LAMA2: variants seen among roughly 807,000 people sequenced by gnomAD.
LAMA2 encodes laminin subunit alpha-2.
In LAMA2, 269 loss-of-function variants were observed where a neutral mutation model predicts 364.8. The ratio of observed to expected loss-of-function variants is 0.74; its 90% confidence interval spans 0.67 to 0.82. The LOEUF (loss-of-function observed/expected upper bound fraction) is 0.82. Ranked by LOEUF, LAMA2 falls within the 40% of genes least tolerant of loss-of-function variation. The pLI, the probability that LAMA2 is intolerant of heterozygous loss-of-function variation, is 0.00. For missense variants in LAMA2, 3,807 were observed against 3,873.2 expected (o/e 0.98, Z 0.45); for synonymous variants, 1,379 against 1,370.6 (o/e 1.01, Z -0.14).
intron 12 of LAMA2, among the ~76,000 whole-genome samples, chr6:129,198,514 T>C (rs941903201): frequency 1.3e-5 from 2 of 152,102 alleles, no homozygotes; most frequent in African/African-American, 4.8e-5. Flanking sequence ...TATGAATTTA[T>C]AAAAATACAA....
At chr6:129,075,252 G>C (rs893679199) in intron 3 of LAMA2, among the ~76,000 whole-genome samples, 1 of 152,116 alleles carries the variant, frequency 6.6e-6, no homozygotes, top group African/African-American at 2.4e-5. Context: ...ATAAATGTGG[G>C]GTGCTGAGGA....
chr6:129,337,571 T>G (rs1284014039), intron 29 of LAMA2, among the ~76,000 whole-genome samples: 1 of 152,114 alleles, frequency 6.6e-6, no homozygotes, highest in Non-Finnish European at 1.5e-5. Context: ...TTATAAGAAT[T>G]CATGCATTTA....
intron 4 of LAMA2, among the ~76,000 whole-genome samples, chr6:129,140,632 T>C (rs1455080395): frequency 6.6e-6 from 1 of 151,890 alleles, no homozygotes; most frequent in Non-Finnish European, 1.5e-5. Flanking sequence ...TGTCACCCCA[T>C]AGGAAATCAG....
chr6:128,919,326 A>G (rs900366287), intron 1 of LAMA2, among the ~76,000 whole-genome samples: 2 of 152,224 alleles, frequency 1.3e-5, no homozygotes, highest in African/African-American at 4.8e-5. Flanking sequence ...ACTTTAATGT[A>G]TAACTTACGT....
chr6:129,169,847 A>T (rs1472386885), intron 9 of LAMA2, among the ~76,000 whole-genome samples: 1 of 143,866 alleles, frequency 7.0e-6, no homozygotes, highest in Non-Finnish European at 1.5e-5. Flanking sequence ...AGATCCTGTT[A>T]TTGGTCTATT....
intron 12 of LAMA2, among the ~76,000 whole-genome samples, chr6:129,248,624 T>C (rs150531474): frequency 1.2e-4 from 18 of 152,330 alleles, no homozygotes; most frequent in African/African-American, 4.3e-4. Flanking sequence ...TTTGGAACAT[T>C]ATAGGCCTAT....
intron 20 of LAMA2, among the ~76,000 whole-genome samples, chr6:129,293,919 T>G (rs905393783): frequency 6.6e-6 from 1 of 152,252 alleles, no homozygotes; most frequent in African/African-American, 2.4e-5. Context: ...GCCTCATTAC[T>G]TCCTAGCTAT....
intron 12 of LAMA2, among the ~76,000 whole-genome samples, chr6:129,207,827 T>C (rs543854549): frequency 3.3e-5 from 5 of 152,096 alleles, no homozygotes; most frequent in Non-Finnish European, 7.4e-5. Flanking sequence ...TTCACGAAGT[T>C]ATTACAGTAA....
At chr6:129,480,462 G>A (rs771727637) in intron 54 of LAMA2, among the ~76,000 whole-genome samples, 3 of 151,714 alleles carry the variant, frequency 2.0e-5, no homozygotes, top group Non-Finnish European at 4.4e-5. Flanking sequence ...ACATATGTAA[G>A]AAAAAAAAGT....
rs1211549822 is a variant in LAMA2 at position 129,083,274 on chromosome 6, A to G, written c.397-14899A>G. Among the ~76,000 whole-genome samples, 5 of 152,160 alleles carry G rather than the reference A, an allele frequency of 3.3e-5. No homozygotes were observed. The East Asian group carries it at 9.6e-4, about 29-fold the overall frequency. On this transcript the variant is annotated intron_variant, in intron 3 of 64. Transcript: ENST00000421865. ...AATTAAATTGCAAATGTATGATCTT[A>G]TAGACTATTTTCCTGCTTCCAAGAC...
chr6:128,989,648 C>T (rs1375209638), intron 1 of LAMA2, among the ~76,000 whole-genome samples: 1 of 152,208 alleles, frequency 6.6e-6, no homozygotes, highest in Non-Finnish European at 1.5e-5. Context: ...TTATTCTTCA[C>T]ATCAGGCTTT....
intron 30 of LAMA2, among the ~76,000 whole-genome samples, chr6:129,347,530 A>G (rs1583547035): frequency 6.6e-6 from 1 of 152,152 alleles, no homozygotes; most frequent in Non-Finnish European, 1.5e-5. Flanking sequence ...CCAGAAGGAA[A>G]TGGTTTCCAG....
chr6:129,417,455 ATGC>A (rs560560483), intron 40 of LAMA2, among the ~76,000 whole-genome samples: 2 of 152,126 alleles, frequency 1.3e-5, no homozygotes, highest in South Asian at 4.2e-4. Context: ...GAGGAAGTGT[ATGC>A]TGATTGGTCC....
At position 129,313,016 on chromosome 6, in the gene LAMA2, C is replaced by T. The variant is rs778158710; in HGVS notation, c.3330C>T (p.Leu1110=). The change falls in exon 23 of 65, where the codon CTC becomes CTT. Residue 1110 remains leucine, a synonymous_variant. Coordinates refer to ENST00000421865, the MANE Select transcript of LAMA2 (RefSeq NM_000426.4). Reference sequence around the variant, plus strand: ...GCTGCAATCTCTGTGACTGCTTCCTCCCTGGGACAGATGCCACAACCTGTG... The same window carrying T: ...GCTGCAATCTCTGTGACTGCTTCCTTCCTGGGACAGATGCCACAACCTGTG... ...YPRCNLCDCF[L]PGTDATTCDS... The T allele has an allele frequency of 3.1e-6, 5 of 1,614,168 alleles. No homozygotes were observed. The highest frequency in any genetic ancestry group is 1.3e-5 in the African/African-American group (1 of 75,044).
At chr6:129,276,624 C>CTT (rs1266619619) in intron 17 of LAMA2, among the ~76,000 whole-genome samples, 1 of 152,052 alleles carries the variant, frequency 6.6e-6, no homozygotes, top group Non-Finnish European at 1.5e-5. Flanking sequence ...AATTGTTTTG[C>CTT]TTTTGGCTTC....
intron 1 of LAMA2, among the ~76,000 whole-genome samples, chr6:128,948,691 G>A (rs945914757): frequency 5.3e-5 from 8 of 152,186 alleles, no homozygotes; most frequent in Non-Finnish European, 7.3e-5. Context: ...CATGAATGGT[G>A]TAGCACCATC....
chr6:129,154,828 A>C (rs1331750852), intron 8 of LAMA2, 145 bp downstream of exon 8: 1 of 698,098 alleles, frequency 1.4e-6, no homozygotes, highest in African/African-American at 1.8e-5. Context: ...TTCGTAGTTG[A>C]AACTGACCTA....
At chr6:128,907,575 T>A (rs1777574135) in intron 1 of LAMA2, among the ~76,000 whole-genome samples, 1 of 152,110 alleles carries the variant, frequency 6.6e-6, no homozygotes, top group Non-Finnish European at 1.5e-5. Flanking sequence ...TCATGTCGTC[T>A]GCAAAGAGGG....
intron 1 of LAMA2, among the ~76,000 whole-genome samples, chr6:129,036,891 C>T (rs537788569): frequency 5.9e-5 from 9 of 152,238 alleles, no homozygotes; most frequent in Middle Eastern, 3.4e-3. Flanking sequence ...GCTGATTTTC[C>T]AGTTCTATTA....
Sources: allele counts gnomAD v4.1 joint callset (sites outside exome capture counted in the v4.1 genomes callset), GRCh38; gene constraint gnomAD v4.1.1; transcripts MANE v1.5; gene names NCBI Gene and HGNC (gene_info 2026-07-23, HGNC 2026-07-21).